DMD: variants seen among roughly 807,000 people sequenced by gnomAD.
DMD encodes the protein mutant dystrophin.
A neutral mutation model predicts 330.1 loss-of-function variants in DMD; 63 were observed. The observed-to-expected ratio is 0.19, with a 90% CI of 0.16 to 0.24. The LOEUF (loss-of-function observed/expected upper bound fraction) is 0.24, where lower values mean the gene tolerates loss of function less well. Among genes scored for constraint, DMD ranks in the 10% least tolerant of loss-of-function variants. The pLI, the probability that DMD is intolerant of heterozygous loss-of-function variation, is 1.00. For missense variants in DMD, 3,344 were observed against 2,684.1 expected (o/e 1.25, Z -5.43); for synonymous variants, 1,223 against 959.8 (o/e 1.27, Z -5.07).
chrX:33,115,159 A>T (rs1002758484), intron 1 of DMD, among the ~76,000 whole-genome samples: 1 of 112,311 alleles, frequency 8.9e-6, no homozygotes, highest in Non-Finnish European at 1.9e-5. Context: ...TCTGTTGAAT[A>T]AACTACTTAA....
At chrX:32,787,846 C>A (rs957988368) in intron 7 of DMD, among the ~76,000 whole-genome samples, 1 of 110,542 alleles carries the variant, frequency 9.0e-6, no homozygotes, top group Non-Finnish European at 1.9e-5. Flanking sequence ...GGCAAAATAA[C>A]TGGAAAGATC....
intron 76 of DMD, among the ~76,000 whole-genome samples, chrX:31,137,164 G>A (rs775706288): frequency 2.7e-5 from 3 of 110,991 alleles, no homozygotes; most frequent in Admixed American, 9.6e-5. Flanking sequence ...GACTACAGGC[G>A]CGTGCCACCA....
intron 9 of DMD, among the ~76,000 whole-genome samples, chrX:32,646,274 T>C (rs979217097): frequency 9.0e-6 from 1 of 111,476 alleles, no homozygotes; most frequent in African/African-American, 3.3e-5. Flanking sequence ...AAAATTTGAG[T>C]AAACTACTAA....
chrX:32,866,786 C>A (rs1352491837), intron 2 of DMD, among the ~76,000 whole-genome samples: 1 of 104,689 alleles, frequency 9.6e-6, no homozygotes, highest in Non-Finnish European at 1.9e-5. Context: ...CAGCCTGCAG[C>A]GCAGTGGTGT....
chrX:31,920,489 G>A (rs1347488934), intron 47 of DMD, among the ~76,000 whole-genome samples: 1 of 111,722 alleles, frequency 9.0e-6, no homozygotes, highest in Admixed American at 9.5e-5. Context: ...CTAGTCTCAG[G>A]GTTGGTGCTA....
At chrX:31,709,930 TAGAA>T (rs1387374762) in intron 52 of DMD, among the ~76,000 whole-genome samples, 2 of 111,463 alleles carry the variant, frequency 1.8e-5, no homozygotes, top group Non-Finnish European at 3.8e-5. Context: ...TCAAAGAAAC[TAGAA>T]AGAAAGATTT....
At chrX:32,389,756 C>A in intron 31 of DMD, 82 bp from the exon 32 acceptor site, 3 of 946,859 alleles carry the variant, frequency 3.2e-6, no homozygotes, top group South Asian at 2.0e-5. Context: ...ATAGATCTGC[C>A]TTTATTTCTG....
At chrX:32,841,292 TCA>T (rs2080135984) in intron 4 of DMD, among the ~76,000 whole-genome samples, 1 of 111,569 alleles carries the variant, frequency 9.0e-6, no homozygotes, top group Non-Finnish European at 1.9e-5. Context: ...TGTAAATGTG[TCA>T]GTTATTCTCT....
chrX:32,371,053 C>T (rs751313054), intron 34 of DMD, among the ~76,000 whole-genome samples: 4 of 110,668 alleles, frequency 3.6e-5, no homozygotes, highest in South Asian at 7.7e-4. Flanking sequence ...TCAAGTTTCT[C>T]GGGTGATTTT....
rs181216205 is a variant in DMD, at chrX:31,584,359, T to C, written c.8217+43314A>G. On this transcript the variant is annotated intron_variant, in intron 55 of 78. Transcript: ENST00000357033. ...CACTTTTAAGTGAGAACATGTGATA[T>C]TTGCTTTTCTGTTCCTGTGTTAGTT... is the stretch of plus-strand genomic sequence containing the variant. Among the ~76,000 whole-genome samples, 213 of 111,087 alleles carry C rather than the reference T, an allele frequency of 1.9e-3. 1 individual carries two copies. Among genetic ancestry groups the C allele is most frequent in the Admixed American group, 2.7e-3 (28 of 10,423 alleles).
At chrX:33,318,066 T>A (rs2053958831) in intron 1 of DMD, among the ~76,000 whole-genome samples, 1 of 111,339 alleles carries the variant, frequency 9.0e-6, no homozygotes, top group Non-Finnish European at 1.9e-5. Context: ...AGTGGAGTGA[T>A]AACATATTGC....
At chrX:32,397,279 A>G (rs1159968927) in intron 30 of DMD, among the ~76,000 whole-genome samples, 1 of 111,601 alleles carries the variant, frequency 9.0e-6, no homozygotes, top group Non-Finnish European at 1.9e-5. Context: ...GAAAACAAAT[A>G]AGCCAACCAC....
At chrX:32,728,691 G>T (rs900793337) in intron 7 of DMD, among the ~76,000 whole-genome samples, 1 of 112,137 alleles carries the variant, frequency 8.9e-6, no homozygotes, top group African/African-American at 3.2e-5. Flanking sequence ...AGATATCTTT[G>T]GGAATATAAT....
intron 29 of DMD, among the ~76,000 whole-genome samples, chrX:32,431,417 A>G (rs1197552627): frequency 9.0e-6 from 1 of 111,072 alleles, no homozygotes; most frequent in Non-Finnish European, 1.9e-5. Context: ...AAATTGGGTT[A>G]TATAATTTTT....
At chrX:31,822,653 G>GGGTGTGTGTGTGTGTGTGT (rs58903799) in intron 49 of DMD, among the ~76,000 whole-genome samples, 675 of 65,798 alleles carry the variant, frequency 0.01, 26 homozygotes, top group African/African-American at 0.026. Context: ...AAGGCAGAGG[G>GGGTGTGTGTGTGTGTGTGT]GTGTGTGTGT....
chrX:31,454,972 G>A (rs1336605616), intron 59 of DMD, among the ~76,000 whole-genome samples: 4 of 84,040 alleles, frequency 4.8e-5, no homozygotes, highest in African/African-American at 1.4e-4. Flanking sequence ...TTTTTTTTGC[G>A]AGATGGGATC....
chrX:32,779,448 TTTAA>T (rs1171535324), intron 7 of DMD, among the ~76,000 whole-genome samples: 2 of 110,831 alleles, frequency 1.8e-5, no homozygotes, highest in African/African-American at 6.6e-5. Flanking sequence ...CATCTACATA[TTTAA>T]TTTTTACCAC....
At chrX:31,988,473 C>CAA (rs11352664) in intron 44 of DMD, among the ~76,000 whole-genome samples, 17 of 24,143 alleles carry the variant, frequency 7.0e-4, no homozygotes, top group East Asian at 2.0e-3. Flanking sequence ...GACTCCATCT[C>CAA]AAAAAAAAAA....
At chrX:33,114,664 T>C (rs2095367935) in intron 1 of DMD, among the ~76,000 whole-genome samples, 1 of 111,853 alleles carries the variant, frequency 8.9e-6, no homozygotes. Context: ...AGATTTATTC[T>C]AAAAAGTTGA....
Sources: allele counts gnomAD v4.1 joint callset (sites outside exome capture counted in the v4.1 genomes callset), GRCh38; gene constraint gnomAD v4.1.1; transcripts MANE v1.5; gene names NCBI Gene and HGNC (gene_info 2026-07-23, HGNC 2026-07-21).